The following ABCF2 variants were observed in gnomAD, a reference collection of about 807,000 sequenced individuals.
ABCF2 encodes the protein ATP binding cassette subfamily F member 2.
In ABCF2, 37 loss-of-function variants were observed where a neutral mutation model predicts 76.9. That is an observed-to-expected ratio of 0.48 (90% CI 0.37 to 0.63). The LOEUF (loss-of-function observed/expected upper bound fraction) is 0.63. Ranked by LOEUF, ABCF2 falls within the 30% of genes least tolerant of loss-of-function variation. The pLI is 0.00. For missense variants in ABCF2, 524 were observed against 782.1 expected, an observed-to-expected ratio of 0.67 and a Z score of 3.94; for synonymous variants, 299 against 283.7, an observed-to-expected ratio of 1.05 and a Z score of -0.54.
Position 151,214,136 on chromosome 7 carries a change from T to C in ABCF2, c.1790A>G (p.Asp597Gly). 1 of 1,614,110 alleles carries C rather than the reference T, an allele frequency of 6.2e-7. No individual in the cohort carries two copies. The highest frequency in any genetic ancestry group is 8.5e-7 in the Non-Finnish European group (1 of 1,179,984). The change falls in exon 15 of 15, where the codon GAC (aspartate) becomes GGC (glycine). Residue 597 changes from aspartate to glycine, a missense_variant. Physicochemically the swap from Asp to Gly is moderately conservative, Grantham distance 94. Around this residue, in one of 2 missense-constraint regions of ABCF2, gnomAD observed 194 missense variants for 348.6 expected, o/e 0.56. Transcript: ENST00000287844. The surrounding 1 kb of genome is among the most constrained non-coding windows in gnomAD (Gnocchi z 4.9). The part of the protein sequence containing the change: ...EKQTITKWPG[D>G]ILAYKEHLKS... ...GAGGTGCTCCTTGTAAGCCAGGATG[T>C]CTCCAGGCCACTTGGTGATTGTCTG...
In ABCF2 at chr7:151,215,474, G is replaced by C. The variant is rs1209612881; in HGVS notation, c.1530+130C>G. The C allele has an allele frequency of 1.8e-6, 2 of 1,140,320 alleles. No homozygotes were observed. Among genetic ancestry groups the C allele is most frequent in the Non-Finnish European group, 1.3e-6 (1 of 794,586 alleles). The allele number at this position is 1,140,320 out of a possible 1,614,324, so 70.6% of individuals were successfully genotyped here. ...GTAAAGAAAAGGTAGTAGGTTCTTA[G>C]GGGAGTCAAATGGAGGAGACTCTGG... On this transcript the variant is annotated intron_variant, in intron 13 of 14. Transcript: ENST00000287844. This position sits in a 1 kb window ranked among gnomAD's most constrained non-coding sequence, Gnocchi z 4.6.
chr7:151,222,586 G>A lies in ABCF2; in HGVS notation c.753C>T (p.Leu251=), dbSNP rs370448574. 1.2e-6 allele frequency: 2 copies of A among 1,613,720 alleles called. No individual in the cohort carries two copies. Among genetic ancestry groups the A allele is most frequent in the East Asian group, 2.2e-5 (1 of 44,872 alleles). ...CCAGGTGGTTGGTAGGCTCATCCAG[G>A]AGCAGCATGAAGGGCCGAATAAAGA... The part of the protein sequence containing the change: ...RALFIRPFML[L]LDEPTNHLDL... The change falls in exon 6 of 15, where the codon CTC becomes CTT. Residue 251 remains leucine (L), a synonymous_variant. Coordinates refer to ENST00000287844, the MANE Select transcript of ABCF2 (RefSeq NM_007189.3).
chr7:151,224,050 G>A lies in ABCF2; in HGVS notation c.432C>T (p.Ile144=), dbSNP rs770391275. ...GGGGCATCTCTCGAGTCAGATGGTA[G>A]ATGTCGATGTGCTCAGGGATGGGCA... The part of the protein sequence containing the change: ...REVPIPEHID[I]YHLTREMPPS... Residue 144 remains isoleucine, a synonymous_variant, in exon 4 of 15, where the codon ATC becomes ATT. Transcript: ENST00000287844. The A allele has an allele frequency of 6.2e-7, 1 of 1,614,056 alleles. No homozygotes were observed. The highest frequency in any genetic ancestry group is 1.3e-5 in the African/African-American group (1 of 74,906).
At position 151,214,872 on chromosome 7, in the gene ABCF2, G is replaced by A. The variant is rs760343266; in HGVS notation, c.1734+7C>T. 4.3e-6 allele frequency: 7 copies of A among 1,613,928 alleles called. No individual in the cohort carries two copies. In the East Asian group the frequency reaches 1.6e-4, roughly 36 times the overall value. ...TGCTGTGCCTCACCCCCTGGCCAGG[G>A]CCTCACCTGCTGAATGAGTCTGAAG... On this transcript the variant is annotated splice_region_variant and intron_variant, in intron 14 of 14. Coordinates refer to ENST00000287844, the MANE Select transcript of ABCF2 (RefSeq NM_007189.3). This position sits in a 1 kb window ranked among gnomAD's most constrained non-coding sequence, Gnocchi z 4.9.
At position 151,215,913 on chromosome 7, in the gene ABCF2, C is replaced by T. The variant is rs1433263113; in HGVS notation, c.1401+54G>A. ...CGGCTGGCTGGAACTCAGCCAGATA[C>T]AGCCCCTCCCTATACCCTGGGCAAT... On this transcript the variant is annotated intron_variant, in intron 12 of 14. Transcript: ENST00000287844. This position sits in a 1 kb window ranked among gnomAD's most constrained non-coding sequence, Gnocchi z 4.6. 2 of 1,598,116 alleles carry T rather than the reference C, an allele frequency of 1.3e-6. No homozygotes were observed. Among genetic ancestry groups the T allele is most frequent in the South Asian group, 2.2e-5 (2 of 90,224 alleles).
In ABCF2 at chr7:151,213,202, G is replaced by C. The variant is rs1183375448; in HGVS notation, c.*852C>G. On this transcript the variant is annotated 3_prime_UTR_variant, in exon 15 of 15. Coordinates refer to ENST00000287844, the MANE Select transcript of ABCF2 (RefSeq NM_007189.3). ...AACAGCATCACCTGGAAACTTGCTA[G>C]AAATGTTAACGTTCTTGGTCTCCCC... is the stretch of plus-strand genomic sequence containing the variant. The C allele has an allele frequency of 1.0e-6, 1 of 983,318 alleles. No individual in the cohort carries two copies. Among genetic ancestry groups the C allele is most frequent in the African/African-American group, 1.7e-5 (1 of 57,216 alleles). The allele number at this position is 983,318 out of a possible 1,614,324, so 60.9% of individuals were successfully genotyped here.
Position 151,213,911 on chromosome 7 carries a change from G to A in ABCF2, c.*143C>T. ...TAGGTAAGAGAGTGCAGCTAAGGCA[G>A]GTTGAGGGGCAGGGGAGAGGCTGGG... On this transcript the variant is annotated 3_prime_UTR_variant, in exon 15 of 15. Transcript: ENST00000287844. The A allele has an allele frequency of 6.8e-7, 1 of 1,472,860 alleles. No homozygotes were observed. Among genetic ancestry groups the A allele is most frequent in the Non-Finnish European group, 8.9e-7 (1 of 1,120,698 alleles). 91.2% of individuals were successfully genotyped at this position (1,472,860 alleles called of 1,614,324 possible). A position where few individuals can be genotyped will look rare whatever the true frequency, so the allele number is the denominator to read the frequency against.
Position 151,218,601 on chromosome 7 carries a change from A to G in ABCF2, c.1187T>C (p.Ile396Thr), listed in dbSNP as rs1179914928. Residue 396 changes from isoleucine (I) to threonine (T), a missense_variant, in exon 10 of 15, where the codon ATT (isoleucine) becomes ACT (threonine). This residue lies in a region of ABCF2 where 194 missense variants were observed against 348.6 expected (regional missense o/e 0.56). Coordinates refer to ENST00000287844, the MANE Select transcript of ABCF2 (RefSeq NM_007189.3). ...PPCGKIPPPV[I>T]MVQNVSFKYT... ...CTTGAAGCTCACATTTTGCACCATA[A>G]TGACAGGTGGAGGGATCTTGCCACA... The G allele has an allele frequency of 6.2e-7, 1 of 1,614,134 alleles. No homozygotes were observed. The highest frequency in any genetic ancestry group is 8.5e-7 in the Non-Finnish European group (1 of 1,180,032).
At position 151,222,547 on chromosome 7, in the gene ABCF2, G is replaced by A. The variant is rs759655465; in HGVS notation, c.792C>T (p.Cys264=). The change falls in exon 6 of 15, where the codon TGC becomes TGT. Residue 264 remains cysteine, a synonymous_variant. Transcript: ENST00000287844. ...EPTNHLDLDA[C]VWLEEELKTF... ...TTTTTAGTTCTTCTTCCAACCACAC[G>A]CAAGCATCTAGGTCCAGGTGGTTGG... 1.3e-5 allele frequency: 21 copies of A among 1,613,332 alleles called. No homozygotes were observed. The highest frequency in any genetic ancestry group is 2.7e-5 in the African/African-American group (2 of 74,862).
At chr7:151,223,593 T>G in intron 5 of ABCF2, 85 bp downstream of exon 5, 1 of 1,442,716 alleles carries the variant, frequency 6.9e-7, no homozygotes, top group Non-Finnish European at 9.3e-7. Flanking sequence ...CACTGACTCC[T>G]GTTCCAAACA....
chr7:151,222,668 C>T, intron 5 of ABCF2, 52 bp from the exon 6 acceptor site: 1 of 1,502,342 alleles, frequency 6.7e-7, no homozygotes, highest in Non-Finnish European at 9.2e-7. Context: ...ATGGATGTGA[C>T]ACAGGACGGG....
Position 151,215,112 on chromosome 7 carries a change from T to C in ABCF2, c.1531-30A>G. Reference sequence around the variant, plus strand: ...GTAGAACCGTGACCTACATATAACTTGGCATTATCCCCGCCAAACAGCACA... The same window carrying C: ...GTAGAACCGTGACCTACATATAACTCGGCATTATCCCCGCCAAACAGCACA... On this transcript the variant is annotated intron_variant, in intron 13 of 14. Transcript: ENST00000287844. The surrounding 1 kb of genome is among the most constrained non-coding windows in gnomAD (Gnocchi z 4.6). The C allele has an allele frequency of 6.3e-7, 1 of 1,590,840 alleles. No homozygotes were observed. The highest frequency in any genetic ancestry group is 1.1e-5 in the South Asian group (1 of 88,466).
At chr7:151,221,202 C>CTTTTT (rs57035639) in intron 7 of ABCF2, among the ~76,000 whole-genome samples, 6 of 140,548 alleles carry the variant, frequency 4.3e-5, no homozygotes, top group African/African-American at 7.8e-5. Flanking sequence ...GATAGGTCTG[C>CTTTTT]TTTTTTTTTT....
intron 10 of ABCF2, 33 bp from the exon 11 acceptor site, chr7:151,218,224 G>C: frequency 6.9e-7 from 1 of 1,454,536 alleles, no homozygotes; most frequent in Non-Finnish European, 9.7e-7. Context: ...GTGGACACAA[G>C]GCTAGAATAC....
chr7:151,212,391 G>A lies in ABCF2; in HGVS notation c.*1663C>T, dbSNP rs1802064308. ...TACAAAATTTCCTGTATCCCAATAG[G>A]AAGAGAGGTTCACAGACGTTGGTGT... is the stretch of plus-strand genomic sequence containing the variant. On this transcript the variant is annotated 3_prime_UTR_variant, in exon 15 of 15. Coordinates refer to ENST00000287844, the MANE Select transcript of ABCF2 (RefSeq NM_007189.3). The A allele has an allele frequency of 1.0e-6, 1 of 985,488 alleles. No individual in the cohort carries two copies. Among genetic ancestry groups the A allele is most frequent in the Non-Finnish European group, 1.2e-6 (1 of 829,942 alleles). The allele number at this position is 985,488 out of a possible 1,614,324, so 61.0% of individuals were successfully genotyped here. A position where few individuals can be genotyped will look rare whatever the true frequency, so the allele number is the denominator to read the frequency against.
At position 151,212,531 on chromosome 7, in the gene ABCF2, G is replaced by A. The variant is rs897917; in HGVS notation, c.*1523C>T. The A allele has an allele frequency of 4.0e-5, 39 of 979,944 alleles. No individual in the cohort carries two copies. Among genetic ancestry groups the A allele is most frequent in the South Asian group, 1.4e-4 (3 of 21,192 alleles). 60.7% of individuals were successfully genotyped at this position (979,944 alleles called of 1,614,324 possible). On this transcript the variant is annotated 3_prime_UTR_variant, in exon 15 of 15. Coordinates refer to ENST00000287844, the MANE Select transcript of ABCF2 (RefSeq NM_007189.3). ...TTTTATTTTTTTGAGACAGTGTCTC[G>A]GTCTGTCATCAGGCTGGAGTGTAGC...
intron 7 of ABCF2, among the ~76,000 whole-genome samples, chr7:151,219,723 G>A (rs1185916301): frequency 5.3e-5 from 8 of 152,256 alleles, no homozygotes; most frequent in Admixed American, 6.5e-5. Flanking sequence ...TGAAAAGATT[G>A]TGATTGATTT....
Position 151,213,808 on chromosome 7 carries a change from G to A in ABCF2, c.*246C>T. 1 of 1,330,452 alleles carries A rather than the reference G, an allele frequency of 7.5e-7. No homozygotes were observed. The highest frequency in any genetic ancestry group is 9.6e-7 in the Non-Finnish European group (1 of 1,042,902). The allele number at this position is 1,330,452 out of a possible 1,614,324, so 82.4% of individuals were successfully genotyped here. A position where few individuals can be genotyped will look rare whatever the true frequency, so the allele number is the denominator to read the frequency against. ...GTAAGATAACCAGCAAGGGGCTGGA[G>A]GGAACGGCCAGCCGAGTCCAGACAT... On this transcript the variant is annotated 3_prime_UTR_variant, in exon 15 of 15. Transcript: ENST00000287844.
chr7:151,215,123 C>A lies in ABCF2; in HGVS notation c.1531-41G>T, dbSNP rs1802124676. 2 of 1,548,070 alleles carry A rather than the reference C, an allele frequency of 1.3e-6. No individual in the cohort carries two copies. Among genetic ancestry groups the A allele is most frequent in the East Asian group, 2.3e-5 (1 of 42,708 alleles). ...ACCTACATATAACTTGGCATTATCC[C>A]CGCCAAACAGCACAGCTCATCTCTC... On this transcript the variant is annotated intron_variant, in intron 13 of 14. Transcript: ENST00000287844. This position sits in a 1 kb window ranked among gnomAD's most constrained non-coding sequence, Gnocchi z 4.6.
Sources: allele counts gnomAD v4.1 joint callset (sites outside exome capture counted in the v4.1 genomes callset), GRCh38; gene constraint gnomAD v4.1.1; regional missense constraint gnomAD v4.1.1; non-coding constraint Gnocchi (gnomAD v3.1); transcripts MANE v1.5; gene names NCBI Gene and HGNC (gene_info 2026-07-23, HGNC 2026-07-21).